Variants in CYTH1 observed in about 807,000 individuals in gnomAD.
CYTH1 encodes the protein cytohesin 1, also known as cytohesin-1.
Under a neutral mutation model 61.8 loss-of-function variants are expected in CYTH1, and 18 were observed. The observed-to-expected ratio is 0.29, with a 90% CI of 0.20 to 0.43. CYTH1 has a LOEUF of 0.43. Among genes scored for constraint, CYTH1 ranks in the 20% least tolerant of loss-of-function variants. The pLI, the probability that CYTH1 is intolerant of heterozygous loss-of-function variation, is 1.00. For missense variants in CYTH1, 336 were observed against 510.5 expected, an observed-to-expected ratio of 0.66 and a Z score of 3.29; for synonymous variants, 174 against 184.3, an observed-to-expected ratio of 0.94 and a Z score of 0.45.
intron 1 of CYTH1, among the ~76,000 whole-genome samples, chr17:78,718,232 C>T (rs910735694): frequency 7.4e-5 from 11 of 149,534 alleles, no homozygotes; most frequent in African/African-American, 2.5e-4. Context: ...CACACACACA[C>T]ACACACACAC....
chr17:78,698,185 A>ACGCG lies in CYTH1; in HGVS notation c.811+83_811+84insCGCG, dbSNP rs1567838787. The ACGCG allele has an allele frequency of 1.7e-5, 19 of 1,116,020 alleles. No homozygotes were observed. In the African/African-American group the frequency reaches 2.8e-4, roughly 17 times the overall value. The allele number at this position is 1,116,020 out of a possible 1,614,324, so 69.1% of individuals were successfully genotyped here. A position where few individuals can be genotyped will look rare whatever the true frequency, so the allele number is the denominator to read the frequency against. ...CACGCACAAACACGCACACGCGCAC[A>ACGCG]CACGCACGCACGCACACACGCACAC... On this transcript the variant is annotated intron_variant, in intron 9 of 13. Transcript: ENST00000446868.
chr17:78,739,053 G>T (rs1026640894), intron 1 of CYTH1, among the ~76,000 whole-genome samples: 1 of 152,200 alleles, frequency 6.6e-6, no homozygotes, highest in Admixed American at 6.5e-5. Context: ...GATTACTGAT[G>T]ATGCTGATTA....
chr17:78,701,148 A>G (rs909849739), intron 6 of CYTH1, among the ~76,000 whole-genome samples: 1 of 152,162 alleles, frequency 6.6e-6, no homozygotes, highest in East Asian at 1.9e-4. Flanking sequence ...CCTTTAAGTC[A>G]AAGAAAGAAA....
At chr17:78,741,839 C>T (rs1422274170) in intron 1 of CYTH1, among the ~76,000 whole-genome samples, 1 of 152,128 alleles carries the variant, frequency 6.6e-6, no homozygotes, top group Non-Finnish European at 1.5e-5. Flanking sequence ...AGGATGGAGC[C>T]GGACAGGAAG....
In CYTH1 at chr17:78,696,715, A is replaced by G. The variant is rs542667168; in HGVS notation, c.812-706T>C. On this transcript the variant is annotated intron_variant, in intron 9 of 13. Coordinates refer to ENST00000446868, the MANE Select transcript of CYTH1 (RefSeq NM_004762.6). Reference sequence around the variant, plus strand: ...TTTTTAAAATACGAGATGCCTCATGAATTTGCATGTCATCCTGGTCTAAGA... The same window carrying G: ...TTTTTAAAATACGAGATGCCTCATGGATTTGCATGTCATCCTGGTCTAAGA... The G allele has an allele frequency of 2.6e-5, 4 of 152,404 alleles. No homozygotes were observed. In the South Asian group the frequency reaches 8.3e-4, roughly 32 times the overall value. 9.4% of individuals were successfully genotyped at this position (152,404 alleles called of 1,614,324 possible).
At chr17:78,706,739 T>G (rs111356746) in intron 3 of CYTH1, among the ~76,000 whole-genome samples, 7,411 of 152,334 alleles carry the variant, frequency 0.049, 230 homozygotes, top group Non-Finnish European at 0.067. Context: ...ACCATCAGTC[T>G]TTTTAATTCT....
chr17:78,757,550 C>A (rs2093406653), intron 1 of CYTH1, among the ~76,000 whole-genome samples: 1 of 152,156 alleles, frequency 6.6e-6, no homozygotes, highest in Admixed American at 6.5e-5. Context: ...CATGTAAACA[C>A]TAGCCGAGGT....
chr17:78,709,535 G>A, intron 2 of CYTH1, 115 bp downstream of exon 2: 2 of 985,902 alleles, frequency 2.0e-6, no homozygotes, highest in South Asian at 1.4e-5. Context: ...CAGAGCTGTA[G>A]TGAGGGCAGG....
At chr17:78,746,011 T>C (rs988019638) in intron 1 of CYTH1, among the ~76,000 whole-genome samples, 4 of 152,374 alleles carry the variant, frequency 2.6e-5, no homozygotes, top group African/African-American at 7.2e-5. Context: ...ACTGATTTCC[T>C]GAAAGGGCTT....
rs1195072610 is a variant in CYTH1 at position 78,717,419 on chromosome 17, G to A, written c.23-7687C>T. ...CCAATTTAATGAAGAGGATTAAAGT[G>A]ACAAAAACAACAAGGCGCTATTGTG... On this transcript the variant is annotated intron_variant, in intron 1 of 13. Coordinates refer to ENST00000446868, the MANE Select transcript of CYTH1 (RefSeq NM_004762.6). This position sits in a 1 kb window ranked among gnomAD's most constrained non-coding sequence, Gnocchi z 4.4. 1.3e-5 allele frequency among the ~76,000 whole-genome samples: 2 copies of A among 152,184 alleles called. No individual in the cohort carries two copies. The highest frequency in any genetic ancestry group is 2.9e-5 in the Non-Finnish European group (2 of 68,028).
At chr17:78,780,859 TAGAC>T (rs1294088080) in intron 1 of CYTH1, among the ~76,000 whole-genome samples, 8 of 151,824 alleles carry the variant, frequency 5.3e-5, no homozygotes, top group Non-Finnish European at 8.8e-5. Flanking sequence ...ATACAACAAT[TAGAC>T]AGGCGTGGTG....
At chr17:78,699,073 A>C (rs960340515) in intron 7 of CYTH1, 105 bp from the exon 8 acceptor site, 13 of 1,421,638 alleles carry the variant, frequency 9.1e-6, no homozygotes, top group African/African-American at 1.5e-5. Flanking sequence ...AGGAATAAAA[A>C]ACCATGTTCT....
chr17:78,686,556 G>A (rs1277306609), intron 11 of CYTH1, among the ~76,000 whole-genome samples: 1 of 152,122 alleles, frequency 6.6e-6, no homozygotes, highest in Admixed American at 6.5e-5. Context: ...AGAATGGTGA[G>A]TGGTGGGAGA....
chr17:78,735,648 G>A, intron 1 of CYTH1, among the ~76,000 whole-genome samples: 1 of 152,164 alleles, frequency 6.6e-6, no homozygotes, highest in Admixed American at 6.5e-5. Context: ...ACTTAGAGGT[G>A]GGGCTTTCAA....
At chr17:78,718,628 T>C (rs2093203143) in intron 1 of CYTH1, among the ~76,000 whole-genome samples, 1 of 152,148 alleles carries the variant, frequency 6.6e-6, no homozygotes, top group Non-Finnish European at 1.5e-5. Context: ...AGTCACTTTG[T>C]CTCCCAGAAA....
chr17:78,756,080 T>C (rs1235809914), intron 1 of CYTH1, among the ~76,000 whole-genome samples: 1 of 36,154 alleles, frequency 2.8e-5, no homozygotes, highest in Non-Finnish European at 7.3e-5. Context: ...TTTATTTTTA[T>C]TTTTTTTTTT....
chr17:78,682,278 G>C (rs189299456), intron 11 of CYTH1, among the ~76,000 whole-genome samples: 4 of 152,022 alleles, frequency 2.6e-5, no homozygotes, highest in Non-Finnish European at 4.4e-5. Context: ...TTATATTTCT[G>C]TGACCTTACC....
At chr17:78,682,163 A>G (rs1190592449) in intron 11 of CYTH1, among the ~76,000 whole-genome samples, 2 of 152,024 alleles carry the variant, frequency 1.3e-5, no homozygotes. Context: ...TTCTCTTCCG[A>G]CCTGTGCCAT....
intron 11 of CYTH1, among the ~76,000 whole-genome samples, chr17:78,683,277 C>G (rs1275284299): frequency 1.3e-5 from 2 of 152,168 alleles, no homozygotes; most frequent in African/African-American, 4.8e-5. Context: ...CTCTCTCATC[C>G]AAGTTGCTCT....
Sources: gnomAD v4.1 joint callset for allele counts (sites outside exome capture counted in the v4.1 genomes callset) on GRCh38, gnomAD v4.1.1 for gene constraint, Gnocchi (gnomAD v3.1) non-coding constraint, MANE v1.5 for transcripts, NCBI Gene and HGNC (gene_info 2026-07-23, HGNC 2026-07-21) for gene names.